SNED1: variants seen among roughly 807,000 people sequenced by gnomAD.
The protein encoded by SNED1 is sushi, nidogen and EGF-like domain-containing protein 1.
Under a neutral mutation model 166.7 loss-of-function variants are expected in SNED1, and 81 were observed. The ratio of observed to expected loss-of-function variants is 0.49; its 90% CI spans 0.41 to 0.58. SNED1 has a LOEUF of 0.58. Among genes scored for constraint, SNED1 ranks in the 20% least tolerant of loss-of-function variants. The pLI, the probability that SNED1 is intolerant of heterozygous loss-of-function variation, is 0.00. For missense variants in SNED1, 1,604 were observed against 2,000.2 expected, an observed-to-expected ratio of 0.80 and a Z score of 3.78; for synonymous variants, 762 against 822.0, an observed-to-expected ratio of 0.93 and a Z score of 1.25.
rs2062631785 is a variant in SNED1 at position 241,070,060 on chromosome 2, T to C, written c.3448T>C (p.Tyr1150His). ...VTTSQSTKSR[Y>H]VPNGKLASYT... The stretch of plus-strand genomic sequence containing the variant: ...CACCAGCCAGAGCACCAAGAGCCGC[T>C]ATGTCCCCAACGGGAAGCTGGCGTC... Residue 1150 changes from tyrosine (Y) to histidine (H), a missense_variant, in exon 24 of 32, where the codon TAT becomes CAT. Physicochemically the swap from Tyr to His is moderately conservative, Grantham distance 83. Transcript: ENST00000310397. 15 of 1,613,088 alleles carry C rather than the reference T, an allele frequency of 9.3e-6. No homozygotes were observed. The highest frequency in any genetic ancestry group is 1.3e-5 in the Non-Finnish European group (15 of 1,179,882).
rs766867216 is a variant in SNED1 at position 241,040,382 on chromosome 2, C to T, written c.1242C>T (p.Ala414=). The change falls in exon 8 of 32, where the codon GCC becomes GCT. Residue 414 remains alanine (A), a synonymous_variant. Transcript: ENST00000310397. ...TGGGGAATTACACCTGCTTGTGTGC[C>T]GAGCCCTTCAAGGGACTTCGCTGTG... ...DLVGNYTCLC[A]EPFKGLRCET... 5 of 1,605,178 alleles carry T rather than the reference C, an allele frequency of 3.1e-6. No individual in the cohort carries two copies. The African/African-American group carries it at 4.0e-5, about 13-fold the overall frequency.
At chr2:241,008,735 G>T (rs995885243) in intron 1 of SNED1, among the ~76,000 whole-genome samples, 2 of 152,206 alleles carry the variant, frequency 1.3e-5, no homozygotes, top group Non-Finnish European at 2.9e-5. Flanking sequence ...CCCTGCTCCC[G>T]TGGTGCCCGG....
chr2:241,063,017 A>C, intron 17 of SNED1, 113 bp downstream of exon 17: 2 of 659,410 alleles, frequency 3.0e-6, no homozygotes, highest in Non-Finnish European at 5.1e-6. Context: ...TGGCCACTGC[A>C]TGCTTTCTCG....
intron 27 of SNED1, among the ~76,000 whole-genome samples, chr2:241,077,165 A>G (rs901603658): frequency 1.3e-5 from 2 of 152,224 alleles, no homozygotes; most frequent in Non-Finnish European, 2.9e-5. Flanking sequence ...AAACCATTCA[A>G]TGTGGAAAGA....
rs752367710 is a variant in SNED1, at chr2:241,065,334, G to C, written c.2749G>C (p.Val917Leu). ...FPPTALKMER[V>L]EESGVSISWN... ...ACCGACGGCCCTCAAGATGGAGAGA[G>C]TGGAGGAGAGTGGGGTCTCTATCTC... The change falls in exon 21 of 32, where the codon GTG (valine) becomes CTG (leucine). Residue 917 changes from valine to leucine, a missense_variant. Val to Leu is a conservative substitution (Grantham distance 32). Coordinates refer to ENST00000310397, the MANE Select transcript of SNED1 (RefSeq NM_001080437.3). 6.2e-7 allele frequency: 1 copy of C among 1,612,990 alleles called. No homozygotes were observed.
At chr2:241,090,759 G>A (rs1175188475) in intron 31 of SNED1, among the ~76,000 whole-genome samples, 2 of 151,768 alleles carry the variant, frequency 1.3e-5, no homozygotes, top group African/African-American at 4.8e-5. Context: ...CTCAGCTACT[G>A]AAGAGGCTGA....
chr2:241,071,516 G>T, intron 24 of SNED1, 60 bp from the exon 25 acceptor site: 1 of 1,541,220 alleles, frequency 6.5e-7, no homozygotes, highest in Non-Finnish European at 8.7e-7. Flanking sequence ...ATGCCACAGG[G>T]GCAGGGACAG....
chr2:240,998,503 C>T (rs2059978171), upstream of SNED1, among the ~76,000 whole-genome samples: 1 of 152,180 alleles, frequency 6.6e-6, no homozygotes, highest in Non-Finnish European at 1.5e-5. Context: ...GCTCCCCGCG[C>T]GCCCGCGCCC....
At chr2:240,998,572 T>A (rs1217912474), upstream of SNED1, among the ~76,000 whole-genome samples, 1 of 151,534 alleles carries the variant, frequency 6.6e-6, no homozygotes, top group African/African-American at 2.4e-5. Flanking sequence ...CCCCCCCGAG[T>A]GACCGCCGGG....
At chr2:241,086,751 G>A (rs1368863572) in intron 29 of SNED1, among the ~76,000 whole-genome samples, 3 of 152,164 alleles carry the variant, frequency 2.0e-5, no homozygotes, top group Admixed American at 2.0e-4. Flanking sequence ...GAACTCCTTG[G>A]ATTTCCCTTT....
intron 29 of SNED1, chr2:241,087,154 C>T: frequency 2.1e-6 from 1 of 481,460 alleles, no homozygotes; most frequent in Non-Finnish European, 3.6e-6. Context: ...CATCAGAATG[C>T]ACATTAAAAT....
intron 1 of SNED1, among the ~76,000 whole-genome samples, chr2:241,001,205 C>T (rs2060068378): frequency 6.6e-6 from 1 of 152,248 alleles, no homozygotes; most frequent in African/African-American, 2.4e-5. Flanking sequence ...CGCTCCTCCG[C>T]CCCCAGCCTG....
Position 241,018,485 on chromosome 2 carries a change from G to A in SNED1, c.214-11799G>A, listed in dbSNP as rs573831905. ...TCGTTGTTCACTCAGCCCCCTGCAC[G>A]TCCCGGGGTCTAAGGTGGTCCCTGG... On this transcript the variant is annotated intron_variant, in intron 1 of 31. Coordinates refer to ENST00000310397, the MANE Select transcript of SNED1 (RefSeq NM_001080437.3). This position sits in a 1 kb window ranked among gnomAD's most constrained non-coding sequence, Gnocchi z 5.4. 7.2e-5 allele frequency among the ~76,000 whole-genome samples: 11 copies of A among 152,326 alleles called. No individual in the cohort carries two copies. The South Asian group carries it at 1.2e-3, about 17-fold the overall frequency.
At chr2:241,065,682 T>G in intron 21 of SNED1, 87 bp downstream of exon 21, 1 of 1,155,716 alleles carries the variant, frequency 8.7e-7, no homozygotes, top group Non-Finnish European at 1.2e-6. Flanking sequence ...GCGGCTGTCA[T>G]GCCGTCCACC....
chr2:241,033,712 G>A (rs537020576), intron 2 of SNED1, 23 bp from the exon 3 acceptor site: 81 of 1,605,150 alleles, frequency 5.0e-5, no homozygotes, highest in Non-Finnish European at 6.2e-5. Flanking sequence ...GCAGGGCCCT[G>A]TTCAGCCCCC....
At chr2:241,034,844 T>C in intron 4 of SNED1, 114 bp downstream of exon 4, 1 of 1,206,274 alleles carries the variant, frequency 8.3e-7, no homozygotes, top group African/African-American at 1.5e-5. Context: ...CAGGAGCACT[T>C]GGGTGTCCAG....
intron 6 of SNED1, among the ~76,000 whole-genome samples, 153 bp from the exon 7 acceptor site, chr2:241,039,921 TC>T (rs1174530853): frequency 4.6e-5 from 7 of 152,124 alleles, no homozygotes; most frequent in Non-Finnish European, 7.4e-5. Flanking sequence ...CAGGCCTCTT[TC>T]TTGCCTGTCG....
intron 1 of SNED1, among the ~76,000 whole-genome samples, chr2:241,019,800 GT>G (rs2060716306): frequency 6.6e-6 from 1 of 152,224 alleles, no homozygotes; most frequent in Non-Finnish European, 1.5e-5. Flanking sequence ...GAGGGTGTTA[GT>G]GTCTCAGGCT....
At chr2:241,053,055 C>T (rs2061929038) in intron 15 of SNED1, 98 bp from the exon 16 acceptor site, 1 of 1,180,602 alleles carries the variant, frequency 8.5e-7, no homozygotes, top group Non-Finnish European at 1.2e-6. Flanking sequence ...GGGAGCAGGA[C>T]ATCCCTGGGC....
Sources: gnomAD v4.1 joint callset for allele counts (sites outside exome capture counted in the v4.1 genomes callset) on GRCh38, gnomAD v4.1.1 for gene constraint, Gnocchi (gnomAD v3.1) non-coding constraint, MANE v1.5 for transcripts, NCBI Gene and HGNC (gene_info 2026-07-23, HGNC 2026-07-21) for gene names.